Variants in ATXN7L1 observed in about 807,000 individuals in gnomAD.
ATXN7L1 encodes the protein ataxin 7 like 1, also known as ataxin-7-like protein 1.
A neutral mutation model predicts 70.8 loss-of-function variants in ATXN7L1; 15 were observed. That is an observed-to-expected ratio of 0.21 (90% CI 0.14 to 0.33). ATXN7L1 has a LOEUF of 0.33. Among genes scored for constraint, ATXN7L1 ranks in the 10% least tolerant of loss-of-function variants. The pLI, the probability that ATXN7L1 is intolerant of heterozygous loss-of-function variation, is 1.00. For synonymous variants in ATXN7L1, 440 were observed against 445.1 expected (o/e 0.99, Z 0.14); for missense variants, 975 against 1,097.1 (o/e 0.89, Z 1.57).
At chr7:105,820,163 C>T in intron 2 of ATXN7L1, 1 of 276,368 alleles carries the variant, frequency 3.6e-6, no homozygotes, top group South Asian at 3.4e-5. Context: ...AAAGCGTGGG[C>T]CTCATTCAGA....
chr7:105,706,607 G>A (rs1277938775), intron 3 of ATXN7L1, among the ~76,000 whole-genome samples: 1 of 152,218 alleles, frequency 6.6e-6, no homozygotes, highest in Non-Finnish European at 1.5e-5. Context: ...CCTCTGGAAA[G>A]ATATTCCTTT....
At chr7:105,712,079 C>T (rs1349459433) in intron 3 of ATXN7L1, among the ~76,000 whole-genome samples, 2 of 152,248 alleles carry the variant, frequency 1.3e-5, no homozygotes, top group South Asian at 2.1e-4. Flanking sequence ...TTGGGGCTTG[C>T]ACCCTTTGAA....
chr7:105,700,723 C>A (rs948995713), intron 3 of ATXN7L1, among the ~76,000 whole-genome samples: 1 of 151,982 alleles, frequency 6.6e-6, no homozygotes, highest in Non-Finnish European at 1.5e-5. Flanking sequence ...GGCTCTATCA[C>A]CCAGGCTGCA....
chr7:105,809,931 C>T (rs1046816564), intron 2 of ATXN7L1, among the ~76,000 whole-genome samples: 1 of 152,122 alleles, frequency 6.6e-6, no homozygotes, highest in Non-Finnish European at 1.5e-5. Flanking sequence ...CCACCACATC[C>T]ACCTAATTTT....
intron 2 of ATXN7L1, among the ~76,000 whole-genome samples, chr7:105,816,975 G>A (rs1479489003): frequency 1.3e-5 from 2 of 152,166 alleles, no homozygotes; most frequent in Admixed American, 6.5e-5. Context: ...GGATACAAAG[G>A]ATATTTTATT....
intron 2 of ATXN7L1, among the ~76,000 whole-genome samples, chr7:105,857,871 G>A (rs1815963883): frequency 6.6e-6 from 1 of 151,930 alleles, no homozygotes; most frequent in African/African-American, 2.4e-5. Flanking sequence ...CCTAAACCTT[G>A]TTCCTCCTTA....
chr7:105,758,225 G>A (rs544715247), intron 3 of ATXN7L1, among the ~76,000 whole-genome samples: 1 of 152,290 alleles, frequency 6.6e-6, no homozygotes, highest in South Asian at 2.1e-4. Flanking sequence ...ACTTCGCAAG[G>A]GGAATAAACC....
intron 3 of ATXN7L1, among the ~76,000 whole-genome samples, chr7:105,694,608 T>C (rs1405856358): frequency 1.3e-5 from 2 of 152,214 alleles, no homozygotes; most frequent in African/African-American, 4.8e-5. Context: ...TCATGGCCGA[T>C]AATGTACGCT....
Position 105,829,127 on chromosome 7 carries a change from A to G in ATXN7L1, c.251-40419T>C, listed in dbSNP as rs202124761. 1.5e-4 allele frequency among the ~76,000 whole-genome samples: 23 copies of G among 152,284 alleles called. No homozygotes were observed. In the East Asian group the frequency reaches 4.4e-3, roughly 29 times the overall value. On this transcript the variant is annotated intron_variant, in intron 2 of 11. Coordinates refer to ENST00000419735, the MANE Select transcript of ATXN7L1 (RefSeq NM_020725.2). The stretch of plus-strand genomic sequence containing the variant: ...AGTCCTCAAATAGTGAAGTGAAAAA[A>G]CAGCCATTTCTGGGCCAGGCGCTGT...
intron 7 of ATXN7L1, among the ~76,000 whole-genome samples, chr7:105,631,200 C>A (rs751754921): frequency 2.6e-5 from 4 of 152,132 alleles, no homozygotes; most frequent in Admixed American, 6.6e-5. Flanking sequence ...CTAACTGATA[C>A]AAGCATATGA....
chr7:105,628,001 T>C (rs1361165335), intron 7 of ATXN7L1, among the ~76,000 whole-genome samples: 2 of 151,706 alleles, frequency 1.3e-5, no homozygotes, highest in South Asian at 2.1e-4. Context: ...TGTGCCACCA[T>C]GCCCGGCTAA....
At chr7:105,645,209 T>C (rs534809964) in intron 4 of ATXN7L1, among the ~76,000 whole-genome samples, 145 of 152,258 alleles carry the variant, frequency 9.5e-4, no homozygotes, top group African/African-American at 3.2e-3. Context: ...ATGTACTTAA[T>C]ACTACTGAAA....
At chr7:105,840,348 T>G (rs866874283) in intron 2 of ATXN7L1, among the ~76,000 whole-genome samples, 17 of 152,296 alleles carry the variant, frequency 1.1e-4, no homozygotes, top group African/African-American at 3.4e-4. Context: ...GGGGCTTGGA[T>G]AGCCTGCTGC....
intron 10 of ATXN7L1, 21 bp downstream of exon 10, chr7:105,613,841 C>G (rs756579949): frequency 1.3e-6 from 2 of 1,551,618 alleles, no homozygotes; most frequent in South Asian, 2.4e-5. Flanking sequence ...CCGGTGAAGG[C>G]GGTGCCAGGA....
At chr7:105,720,380 A>G (rs528453782) in intron 3 of ATXN7L1, among the ~76,000 whole-genome samples, 1 of 152,240 alleles carries the variant, frequency 6.6e-6, no homozygotes, top group East Asian at 1.9e-4. Context: ...CTAAAAAAAA[A>G]TACAAAACCT....
At chr7:105,838,875 T>C (rs1442023540) in intron 2 of ATXN7L1, among the ~76,000 whole-genome samples, 1 of 152,208 alleles carries the variant, frequency 6.6e-6, no homozygotes, top group African/African-American at 2.4e-5. Context: ...AGCACACCTC[T>C]ACTTCCTTTT....
chr7:105,705,025 T>C (rs148900468), intron 3 of ATXN7L1, among the ~76,000 whole-genome samples: 1 of 152,028 alleles, frequency 6.6e-6, no homozygotes, highest in African/African-American at 2.4e-5. Context: ...TTTATTTATT[T>C]ATTTATTTAT....
intron 2 of ATXN7L1, among the ~76,000 whole-genome samples, chr7:105,850,600 G>A (rs574199198): frequency 1.3e-4 from 20 of 152,230 alleles, no homozygotes; most frequent in Non-Finnish European, 2.5e-4. Context: ...TCTGACTTAA[G>A]AGGCCTAGCA....
chr7:105,846,242 G>C (rs1049412727), intron 2 of ATXN7L1, among the ~76,000 whole-genome samples: 3 of 152,052 alleles, frequency 2.0e-5, no homozygotes, highest in African/African-American at 7.2e-5. Context: ...GGGATGCTAA[G>C]GTGGGAGGAT....
Sources: allele counts gnomAD v4.1 joint callset (sites outside exome capture counted in the v4.1 genomes callset), GRCh38; gene constraint gnomAD v4.1.1; transcripts MANE v1.5; gene names NCBI Gene and HGNC (gene_info 2026-07-23, HGNC 2026-07-21).